AGRN: variants seen among roughly 807,000 people sequenced by gnomAD.
AGRN encodes agrin.
AGRN carries 106 observed loss-of-function variants against 211.0 expected under a neutral mutation model. That is an observed-to-expected ratio of 0.50 (90% CI 0.43 to 0.59). AGRN has a LOEUF of 0.59. Among genes scored for constraint, AGRN ranks in the 20% least tolerant of loss-of-function variants. The pLI, the probability that AGRN is intolerant of heterozygous loss-of-function variation, is 0.00. For synonymous variants in AGRN, 1,525 were observed against 1,332.5 expected, an observed-to-expected ratio of 1.14 and a Z score of -3.15; for missense variants, 3,040 against 2,982.6, an observed-to-expected ratio of 1.02 and a Z score of -0.45.
chr1:1,028,373 C>T (rs888460164), intron 2 of AGRN, among the ~76,000 whole-genome samples: 1 of 150,352 alleles, frequency 6.7e-6, no homozygotes, highest in African/African-American at 2.5e-5. Flanking sequence ...TGGGCACTGA[C>T]CACTCCACGC....
chr1:1,040,278 G>A (rs1003906473), intron 3 of AGRN, among the ~76,000 whole-genome samples: 2 of 152,228 alleles, frequency 1.3e-5, no homozygotes, highest in Non-Finnish European at 2.9e-5. Flanking sequence ...GGCCTGGACT[G>A]CTTGTGCCCG....
chr1:1,045,433 C>T lies in AGRN; in HGVS notation c.2446C>T (p.Pro816Ser). ...AGCCACAGGCCAGTGCTCCTGCCGC[C>T]CAGGTGTGGGGGGCCTCAGGTGTGA... ...DPATGQCSCRPGVGGLRCDRC... is the reference protein window; with the variant it reads ...DPATGQCSCRSGVGGLRCDRC... The change falls in exon 14 of 36, where the codon CCA (proline) becomes TCA (serine). Residue 816 changes from proline to serine, a missense_variant. Pro to Ser is a moderately conservative substitution (Grantham distance 74). Around this residue, in one of 3 missense-constraint regions of AGRN, gnomAD observed 1,498 missense variants for 1,457.8 expected, o/e 1.03. Coordinates refer to ENST00000379370, the MANE Select transcript of AGRN (RefSeq NM_198576.4). The T allele has an allele frequency of 6.2e-7, 1 of 1,612,400 alleles. No individual in the cohort carries two copies. Among genetic ancestry groups the T allele is most frequent in the Non-Finnish European group, 8.5e-7 (1 of 1,179,778 alleles).
chr1:1,022,173 A>G (rs1644419944), intron 1 of AGRN, 28 bp from the exon 2 acceptor site: 1 of 1,612,710 alleles, frequency 6.2e-7, no homozygotes, highest in Non-Finnish European at 8.5e-7. Flanking sequence ...GAGAGGACTA[A>G]TGACACCTAC....
Position 1,046,448 on chromosome 1 carries a change from C to G in AGRN, c.2963C>G (p.Thr988Ser), listed in dbSNP as rs1444376439. 6.2e-7 allele frequency: 1 copy of G among 1,612,482 alleles called. No individual in the cohort carries two copies. Among genetic ancestry groups the G allele is most frequent in the African/African-American group, 1.3e-5 (1 of 75,018 alleles). Residue 988 changes from threonine to serine, a missense_variant, in exon 18 of 36, where the codon ACC becomes AGC. Coordinates refer to ENST00000379370, the MANE Select transcript of AGRN (RefSeq NM_198576.4). The stretch of plus-strand genomic sequence containing the variant: ...ACATCTGCCTCCGTGACTGTGACCA[C>G]CCCAGGGCTCCTCCTGAGCCAGGCA... ...HPTSASVTVT[T>S]PGLLLSQALP...
chr1:1,020,279 T>C lies in AGRN; in HGVS notation c.107T>C (p.Leu36Pro), dbSNP rs1426500829. 1 of 1,470,776 alleles carries C rather than the reference T, an allele frequency of 6.8e-7. No homozygotes were observed. Among genetic ancestry groups the C allele is most frequent in the Non-Finnish European group, 9.0e-7 (1 of 1,110,880 alleles). 91.1% of individuals were successfully genotyped at this position (1,470,776 alleles called of 1,614,324 possible). ...GAGGTCPERA[L>P]ERREEEANVV... is the part of the protein sequence containing the mutation. ...GGCGGGACATGCCCGGAGCGCGCGC[T>C]GGAGCGGCGCGAGGAGGAGGCGAAC... Residue 36 changes from leucine (L) to proline (P), a missense_variant, in exon 1 of 36, where the codon CTG becomes CCG. By Grantham distance (98) the Leu-to-Pro change is moderately conservative (BLOSUM62 -3). Around this residue, in one of 3 missense-constraint regions of AGRN, gnomAD observed 1,498 missense variants for 1,457.8 expected, o/e 1.03. Transcript: ENST00000379370.
chr1:1,044,768 G>A (rs1645044125), intron 12 of AGRN, among the ~76,000 whole-genome samples: 1 of 152,220 alleles, frequency 6.6e-6, no homozygotes, highest in Non-Finnish European at 1.5e-5. Flanking sequence ...GTGGTGCCCG[G>A]TGTGTGTGAT....
In AGRN at chr1:1,041,178, C is replaced by T; in HGVS notation, c.733C>T (p.Arg245Trp). Residue 245 changes from arginine (R) to tryptophan (W), a missense_variant, in exon 5 of 36, where the codon CGG becomes TGG. Arg to Trp is a moderately radical substitution (Grantham distance 101). Around this residue, in one of 3 missense-constraint regions of AGRN, gnomAD observed 1,498 missense variants for 1,457.8 expected, o/e 1.03. Transcript: ENST00000379370. ...CGGCAAAGCCCCGCCCGCAGGCTCGCGGGACCCCTGCTCCAACGTGACCTG... is the reference window on the plus strand; with the variant it reads ...CGGCAAAGCCCCGCCCGCAGGCTCGTGGGACCCCTGCTCCAACGTGACCTG... ...RLLSRGPCGS[R>W]DPCSNVTCSF... 2 of 1,420,052 alleles carry T rather than the reference C, an allele frequency of 1.4e-6. No homozygotes were observed. Among genetic ancestry groups the T allele is most frequent in the Non-Finnish European group, 1.8e-6 (2 of 1,090,652 alleles). 88.0% of individuals were successfully genotyped at this position (1,420,052 alleles called of 1,614,324 possible).
chr1:1,030,222 C>CGT (rs1454728247), intron 2 of AGRN, among the ~76,000 whole-genome samples: 2 of 11,922 alleles, frequency 1.7e-4, no homozygotes, highest in East Asian at 6.3e-3. Context: ...GTGAGATCAG[C>CGT]GCGTGTGTGT....
Position 1,048,396 on chromosome 1 carries a change from G to C in AGRN, c.4105+31G>C. On this transcript the variant is annotated intron_variant, in intron 23 of 35. Transcript: ENST00000379370. This position sits in a 1 kb window ranked among gnomAD's most constrained non-coding sequence, Gnocchi z 5.9. ...GATGTCCACTGCAGAGGAGGGCGGG[G>C]AGGCAGCAGGGTGGGGGCAAGGATT... 7.4e-7 allele frequency: 1 copy of C among 1,355,650 alleles called. No individual in the cohort carries two copies. The highest frequency in any genetic ancestry group is 1.5e-5 in the South Asian group (1 of 65,758). The allele number at this position is 1,355,650 out of a possible 1,614,324, so 84.0% of individuals were successfully genotyped here. A position where few individuals can be genotyped will look rare whatever the true frequency, so the allele number is the denominator to read the frequency against.
chr1:1,034,174 C>A (rs1644744344), intron 2 of AGRN: 8 of 985,362 alleles, frequency 8.1e-6, no homozygotes, highest in Middle Eastern at 5.2e-4. Context: ...GCCCGGCCCC[C>A]GCGCACCTGC....
chr1:1,035,564 CT>C (rs1644784914), intron 3 of AGRN, among the ~76,000 whole-genome samples: 1 of 152,260 alleles, frequency 6.6e-6, no homozygotes, highest in African/African-American at 2.4e-5. Context: ...CCTCAGCCCC[CT>C]CAGCCTCAAA....
chr1:1,049,083 G>C, intron 24 of AGRN, 24 bp downstream of exon 24: 2 of 1,446,048 alleles, frequency 1.4e-6, no homozygotes, highest in Non-Finnish European at 1.8e-6. Context: ...GGACGGGGCC[G>C]GGGCAGCTCA....
rs764133196 is a variant in AGRN, at chr1:1,046,658, G to A, written c.3173G>A (p.Gly1058Asp). The A allele has an allele frequency of 1.3e-6, 2 of 1,594,718 alleles. No individual in the cohort carries two copies. Among genetic ancestry groups the A allele is most frequent in the Non-Finnish European group, 1.7e-6 (2 of 1,176,388 alleles). ...PAPSLVASAF[G>D]ESGSTDGSSD... ...CCCAGCCTGGTGGCGTCCGCCTTTG[G>A]TGAATCTGGCAGCACTGATGGAAGC... The change falls in exon 18 of 36, where the codon GGT becomes GAT. Residue 1058 changes from glycine to aspartate, a missense_variant. Physicochemically the swap from Gly to Asp is moderately conservative, Grantham distance 94. Transcript: ENST00000379370.
At chr1:1,045,131 G>T in intron 12 of AGRN, 30 bp from the exon 13 acceptor site, 1 of 1,607,548 alleles carries the variant, frequency 6.2e-7, no homozygotes, top group Non-Finnish European at 8.5e-7. Context: ...AGCACTGCAT[G>T]AAATCTGAGT....
At chr1:1,027,153 C>T (rs1201260888) in intron 2 of AGRN, among the ~76,000 whole-genome samples, 3 of 152,262 alleles carry the variant, frequency 2.0e-5, no homozygotes, top group South Asian at 2.1e-4. Context: ...AGTCCCCCCA[C>T]GGAGCAGAGG....
chr1:1,039,899 G>A (rs999598559), intron 3 of AGRN, among the ~76,000 whole-genome samples: 2 of 152,108 alleles, frequency 1.3e-5, no homozygotes, highest in Non-Finnish European at 2.9e-5. Context: ...TGCCGCGGGT[G>A]GGGGGCTGGC....
At chr1:1,027,961 C>T (rs1005368324) in intron 2 of AGRN, among the ~76,000 whole-genome samples, 11 of 152,238 alleles carry the variant, frequency 7.2e-5, no homozygotes, top group Non-Finnish European at 1.3e-4. Flanking sequence ...GGCCCACGGC[C>T]GCCCCGGCCC....
Position 1,046,031 on chromosome 1 carries a change from T to G in AGRN, c.2748T>G (p.Ser916=). The change falls in exon 16 of 36, where the codon TCT becomes TCG. Residue 916 remains serine, a synonymous_variant. Coordinates refer to ENST00000379370, the MANE Select transcript of AGRN (RefSeq NM_198576.4). ...TCGGTGCGCGGTGCGTGGAGGAGTC[T>G]GGCTCAGCCCACTGTGTCTGCCCGA... ...CEFGARCVEE[S]GSAHCVCPML... 6.2e-7 allele frequency: 1 copy of G among 1,614,050 alleles called. No homozygotes were observed. Among genetic ancestry groups the G allele is most frequent in the South Asian group, 1.1e-5 (1 of 91,088 alleles).
At chr1:1,050,911 C>G in intron 30 of AGRN, 74 bp downstream of exon 30, 1 of 1,528,514 alleles carries the variant, frequency 6.5e-7, no homozygotes, top group Non-Finnish European at 8.8e-7. Context: ...CCCGCCCCTG[C>G]CGGCGCTCAC....
Sources: gnomAD v4.1 joint callset for allele counts (sites outside exome capture counted in the v4.1 genomes callset) on GRCh38, gnomAD v4.1.1 for gene constraint, gnomAD v4.1.1 regional missense constraint, Gnocchi (gnomAD v3.1) non-coding constraint, MANE v1.5 for transcripts, NCBI Gene and HGNC (gene_info 2026-07-23, HGNC 2026-07-21) for gene names.